Variants in CCDC171 observed in about 807,000 individuals in gnomAD.
CCDC171 encodes coiled-coil domain-containing protein 171.
A neutral mutation model predicts 168.2 loss-of-function variants in CCDC171; 177 were observed. The observed-to-expected ratio is 1.05, with a 90% CI of 0.93 to 1.19. CCDC171 has a LOEUF of 1.19. CCDC171 is among the 50% of genes most tolerant of loss of function. CCDC171 has a pLI of 0.00. For missense variants in CCDC171, 1,991 were observed against 1,539.0 expected (o/e 1.29, Z -4.91); for synonymous variants, 687 against 540.8 (o/e 1.27, Z -3.75).
At chr9:15,797,145 C>T (rs2058596811) in intron 21 of CCDC171, among the ~76,000 whole-genome samples, 1 of 152,058 alleles carries the variant, frequency 6.6e-6, no homozygotes, top group Non-Finnish European at 1.5e-5. Flanking sequence ...TTATGTTAAT[C>T]ATCTTCTAGT....
intron 3 of CCDC171, among the ~76,000 whole-genome samples, chr9:15,988,903 G>T (rs1030261586): frequency 2.6e-5 from 4 of 152,198 alleles, no homozygotes; most frequent in Admixed American, 6.5e-5. Context: ...CATTGCTGAG[G>T]CTCGAGTAGG....
intron 9 of CCDC171, among the ~76,000 whole-genome samples, chr9:15,671,470 T>C (rs570400085): frequency 3.9e-5 from 6 of 152,210 alleles, no homozygotes; most frequent in African/African-American, 1.4e-4. Context: ...ACATTAGGTC[T>C]TCACATTAGG....
chr9:15,705,091 G>GACACACACACACAC (rs3082789), intron 11 of CCDC171, among the ~76,000 whole-genome samples: 32,873 of 147,378 alleles, frequency 0.22, 4,467 homozygotes, highest in East Asian at 0.34. Context: ...GTATCCTTAC[G>GACACACACACACAC]ACACACACAC....
chr9:16,012,630 T>C (rs1243352483), intron 3 of CCDC171, among the ~76,000 whole-genome samples: 4 of 151,878 alleles, frequency 2.6e-5, no homozygotes, highest in African/African-American at 9.7e-5. Flanking sequence ...AATGGCAGCA[T>C]GCTCTCCTTC....
chr9:16,047,272 T>G (rs1402082530), intron 1 of CCDC171, among the ~76,000 whole-genome samples: 1 of 152,196 alleles, frequency 6.6e-6, no homozygotes, highest in Non-Finnish European at 1.5e-5. Context: ...CTTAAATCTG[T>G]GCCCTCCCTG....
chr9:15,627,129 G>T (rs559600150), intron 7 of CCDC171, among the ~76,000 whole-genome samples: 1 of 152,216 alleles, frequency 6.6e-6, no homozygotes, highest in East Asian at 1.9e-4. Context: ...ATTCTCTGAT[G>T]GTAGTTTGTA....
chr9:15,798,756 C>T (rs2058677158), intron 21 of CCDC171, among the ~76,000 whole-genome samples: 1 of 152,218 alleles, frequency 6.6e-6, no homozygotes. Context: ...GACCACGAGG[C>T]TCACAATGCC....
At chr9:15,579,422 C>G (rs1010079131) in intron 4 of CCDC171, among the ~76,000 whole-genome samples, 3 of 152,184 alleles carry the variant, frequency 2.0e-5, no homozygotes, top group Non-Finnish European at 4.4e-5. Flanking sequence ...AGCACTGCCT[C>G]TTTCATTGAT....
At chr9:15,660,196 T>G (rs1280719236) in intron 8 of CCDC171, among the ~76,000 whole-genome samples, 1 of 152,256 alleles carries the variant, frequency 6.6e-6, no homozygotes, top group Non-Finnish European at 1.5e-5. Flanking sequence ...TCCCTATATT[T>G]GAGCATGTCT....
At chr9:16,096,190 G>T in the CCDC171 span, among the ~76,000 whole-genome samples, 17 of 152,080 alleles carry the variant, frequency 1.1e-4, no homozygotes, top group African/African-American at 3.9e-4. Context: ...AACATTGATT[G>T]TTCCCTCTGT....
chr9:15,582,373 G>C (rs541085133), intron 4 of CCDC171, among the ~76,000 whole-genome samples: 1 of 152,166 alleles, frequency 6.6e-6, no homozygotes, highest in African/African-American at 2.4e-5. Context: ...ACAGTGTGGC[G>C]ATTCCTCAAG....
At chr9:15,625,442 G>A (rs2044984737) in intron 7 of CCDC171, among the ~76,000 whole-genome samples, 1 of 152,044 alleles carries the variant, frequency 6.6e-6, no homozygotes, top group African/African-American at 2.4e-5. Flanking sequence ...GGGTTTTTAT[G>A]GTTTTAGGTC....
intron 3 of CCDC171, among the ~76,000 whole-genome samples, chr9:15,575,253 C>T (rs1253950424): frequency 7.0e-6 from 1 of 143,116 alleles, no homozygotes; most frequent in Non-Finnish European, 1.5e-5. Context: ...GCAGCCTGGT[C>T]TCGAACTCCT....
chr9:15,929,493 T>C (rs564216096), intron 25 of CCDC171, among the ~76,000 whole-genome samples: 3 of 151,882 alleles, frequency 2.0e-5, no homozygotes, highest in Admixed American at 2.0e-4. Context: ...ATTGCTTGTC[T>C]CTGAAATAAC....
intron 6 of CCDC171, among the ~76,000 whole-genome samples, chr9:16,032,644 G>T (rs917640541): frequency 4.6e-5 from 7 of 152,134 alleles, no homozygotes; most frequent in African/African-American, 7.2e-5. Context: ...TAGAGACAGG[G>T]TCTTGCTCTA....
At chr9:15,860,311 G>T (rs1459071478) in intron 23 of CCDC171, among the ~76,000 whole-genome samples, 1 of 150,334 alleles carries the variant, frequency 6.7e-6, no homozygotes, top group Non-Finnish European at 1.5e-5. Flanking sequence ...CTAATTTTGG[G>T]TTTAGTTTGT....
At chr9:15,745,472 A>G in intron 17 of CCDC171, 43 bp from the exon 18 acceptor site, 1 of 1,241,152 alleles carries the variant, frequency 8.1e-7, no homozygotes, top group Non-Finnish European at 1.1e-6. Flanking sequence ...AGATTTTAAT[A>G]AAGTTTTGTA....
intron 24 of CCDC171, among the ~76,000 whole-genome samples, chr9:15,898,132 T>C (rs908782397): frequency 2.8e-4 from 42 of 152,304 alleles, no homozygotes; most frequent in African/African-American, 9.6e-4. Context: ...GTAGCTGTTG[T>C]TATAACCAGG....
chr9:16,105,962 T>A, the CCDC171 span, among the ~76,000 whole-genome samples: 1 of 152,202 alleles, frequency 6.6e-6, no homozygotes, highest in African/African-American at 2.4e-5. Flanking sequence ...AGGGCATCCA[T>A]TTGCATTAAC....
Sources: allele counts gnomAD v4.1 joint callset (sites outside exome capture counted in the v4.1 genomes callset), GRCh38; gene constraint gnomAD v4.1.1; transcripts MANE v1.5; gene names NCBI Gene and HGNC (gene_info 2026-07-23, HGNC 2026-07-21).